Variants in MTUS1 observed in about 807,000 individuals in gnomAD.
MTUS1 encodes the protein microtubule associated scaffold protein 1, also known as microtubule-associated tumor suppressor 1.
In MTUS1, 109 loss-of-function variants were observed where a neutral mutation model predicts 120.8. The observed-to-expected ratio is 0.90, with a 90% CI of 0.77 to 1.06. The LOEUF (loss-of-function observed/expected upper bound fraction) is 1.06, where lower values mean the gene tolerates loss of function less well. Ranked by LOEUF, MTUS1 falls within the 50% of genes least tolerant of loss-of-function variation. MTUS1 has a pLI of 0.00. For missense variants in MTUS1, 2,210 were observed against 1,486.3 expected, an observed-to-expected ratio of 1.49 and a Z score of -8.01; for synonymous variants, 737 against 550.5, an observed-to-expected ratio of 1.34 and a Z score of -4.74.
intron 3 of MTUS1, among the ~76,000 whole-genome samples, chr8:17,731,149 G>C (rs1266263514): frequency 1.3e-5 from 2 of 152,112 alleles, no homozygotes; most frequent in Non-Finnish European, 2.9e-5. Flanking sequence ...GATAAGGGAG[G>C]TATCTTAAAT....
intron 1 of MTUS1, among the ~76,000 whole-genome samples, chr8:17,782,735 TA>T (rs1225288862): frequency 6.6e-6 from 1 of 152,148 alleles, no homozygotes; most frequent in African/African-American, 2.4e-5. Context: ...GTCTACAGTG[TA>T]AAAAATGTTT....
Position 17,646,890 on chromosome 8 carries a change from C to T in MTUS1, c.3599+92G>A, listed in dbSNP as rs1032634432. On this transcript the variant is annotated intron_variant, in intron 14 of 14. Transcript: ENST00000693296. Reference sequence around the variant, plus strand: ...TAACCATCTGCTTCCATCATATTTCCAGGAGGTGCAGGGGTAGAGCGTGTC... The same window carrying T: ...TAACCATCTGCTTCCATCATATTTCTAGGAGGTGCAGGGGTAGAGCGTGTC... 2.3e-5 allele frequency: 19 copies of T among 822,686 alleles called. No homozygotes were observed. In the African/African-American group the frequency reaches 2.4e-4, roughly 10 times the overall value. The allele number at this position is 822,686 out of a possible 1,614,324, so 51.0% of individuals were successfully genotyped here.
rs1312546613 is a variant in MTUS1, at chr8:17,684,460, T to C, written c.2706A>G (p.Thr902=). ...TTGTTTTATATTGCGTCAATTCAAGTGTTTTCTCAGGGGGCAGCGCATCGG... is the reference window on the plus strand; with the variant it reads ...TTGTTTTATATTGCGTCAATTCAAGCGTTTTCTCAGGGGGCAGCGCATCGG... ...TAPDALPPEK[T]LELTQYKTKC... The change falls in exon 7 of 15, where the codon ACA becomes ACG. Residue 902 remains threonine, a synonymous_variant. Coordinates refer to ENST00000693296, the MANE Select transcript of MTUS1 (RefSeq NM_001363059.2). 1.9e-6 allele frequency: 3 copies of C among 1,614,070 alleles called. No homozygotes were observed. In the African/African-American group the frequency reaches 4.0e-5, roughly 22 times the overall value.
At chr8:17,709,292 A>C (rs895523294) in intron 6 of MTUS1, among the ~76,000 whole-genome samples, 1 of 152,122 alleles carries the variant, frequency 6.6e-6, no homozygotes, top group African/African-American at 2.4e-5. Context: ...TCTTTACACA[A>C]CAGGCTCAGA....
At chr8:17,780,426 T>A (rs893114183) in intron 1 of MTUS1, among the ~76,000 whole-genome samples, 1 of 152,172 alleles carries the variant, frequency 6.6e-6, no homozygotes, top group African/African-American at 2.4e-5. Flanking sequence ...TGATACAATC[T>A]CAAGCTTCAA....
intron 6 of MTUS1, among the ~76,000 whole-genome samples, chr8:17,684,946 TTTAAA>T (rs1210884929): frequency 2.0e-5 from 3 of 152,208 alleles, no homozygotes; most frequent in African/African-American, 7.2e-5. Context: ...ATCACTGGAC[TTTAAA>T]TTAAATGCCT....
chr8:17,644,916 G>A lies in MTUS1; in HGVS notation c.*1010C>T, dbSNP rs1805494509. On this transcript the variant is annotated 3_prime_UTR_variant, in exon 15 of 15. Coordinates refer to ENST00000693296, the MANE Select transcript of MTUS1 (RefSeq NM_001363059.2). ...GGTAGGAGGTAGAAGGTTTGCTTTT[G>A]TGGCTCTGGATGGTGGAGAAAGGTA... The A allele has an allele frequency of 6.6e-6, 1 of 152,198 alleles. No homozygotes were observed. The highest frequency in any genetic ancestry group is 2.4e-5 in the African/African-American group (1 of 41,432). The allele number at this position is 152,198 out of a possible 1,614,324, so 9.4% of individuals were successfully genotyped here.
At chr8:17,739,508 TAAA>T (rs774494880) in intron 3 of MTUS1, among the ~76,000 whole-genome samples, 1 of 151,814 alleles carries the variant, frequency 6.6e-6, no homozygotes, top group Non-Finnish European at 1.5e-5. Context: ...AATAAATAAA[TAAA>T]TAAATTAATA....
chr8:17,683,840 T>C (rs1023640306), intron 7 of MTUS1, among the ~76,000 whole-genome samples: 1 of 151,798 alleles, frequency 6.6e-6, no homozygotes, highest in African/African-American at 2.4e-5. Context: ...TTTGCTTTTG[T>C]TGCACCACAG....
chr8:17,766,999 C>T (rs1586276121), intron 1 of MTUS1, among the ~76,000 whole-genome samples: 1 of 151,660 alleles, frequency 6.6e-6, no homozygotes, highest in East Asian at 1.9e-4. Flanking sequence ...ATTATATGAC[C>T]AGTATATAAT....
rs368935795 is a variant in MTUS1, at chr8:17,774,220, T to A, written c.-154-18259A>T. Among the ~76,000 whole-genome samples, 131 of 152,280 alleles carry A rather than the reference T, an allele frequency of 8.6e-4. 1 individual carries two copies. Among genetic ancestry groups the A allele is most frequent in the African/African-American group, 3.0e-3 (126 of 41,556 alleles). On this transcript the variant is annotated intron_variant, in intron 1 of 14. Coordinates refer to ENST00000693296, the MANE Select transcript of MTUS1 (RefSeq NM_001363059.2). ...AGGCTGGCCTCCAATCTGAAACCCA[T>A]TTAAACCACAATGCAGCTACTACTA...
Position 17,713,292 on chromosome 8 carries a change from T to C in MTUS1, c.2585-40A>G, listed in dbSNP as rs773591200. The C allele has an allele frequency of 5.8e-5, 68 of 1,169,990 alleles. No individual in the cohort carries two copies. The African/African-American group carries it at 7.7e-4, about 13-fold the overall frequency. The allele number at this position is 1,169,990 out of a possible 1,614,324, so 72.5% of individuals were successfully genotyped here. ...AAACATGTAAAATACATATGTTTTA[T>C]TTGACATATCACATAAAAACAAACC... On this transcript the variant is annotated intron_variant, in intron 5 of 14. Transcript: ENST00000693296.
chr8:17,649,768 C>A (rs1585388523), intron 13 of MTUS1, 78 bp downstream of exon 13: 2 of 780,094 alleles, frequency 2.6e-6, no homozygotes, highest in East Asian at 4.9e-5. Flanking sequence ...CCCAACTCCA[C>A]AGTTCTAAAA....
At chr8:17,654,719 T>G (rs1585423233) in intron 9 of MTUS1, 53 bp from the exon 10 acceptor site, 1 of 1,305,834 alleles carries the variant, frequency 7.7e-7, no homozygotes, top group South Asian at 1.2e-5. Context: ...ATGTCCTAAG[T>G]TGAATACGCA....
chr8:17,695,699 AT>A (rs889156535), intron 6 of MTUS1, among the ~76,000 whole-genome samples: 26 of 151,970 alleles, frequency 1.7e-4, no homozygotes, highest in African/African-American at 6.3e-4. Context: ...TTACAGAACT[AT>A]TTTTTTTAAT....
At chr8:17,722,425 T>C (rs924279957) in intron 4 of MTUS1, 2 of 985,376 alleles carry the variant, frequency 2.0e-6, no homozygotes, top group Non-Finnish European at 2.4e-6. Context: ...AATTACCTTT[T>C]CAAATTCAGA....
intron 8 of MTUS1, among the ~76,000 whole-genome samples, chr8:17,657,921 CTA>C (rs1349442778): frequency 3.4e-5 from 5 of 149,164 alleles, no homozygotes; most frequent in African/African-American, 7.4e-5. Context: ...ATGTATATAT[CTA>C]TGTGTACATG....
chr8:17,709,904 G>A (rs1391183950), intron 6 of MTUS1, among the ~76,000 whole-genome samples: 1 of 151,906 alleles, frequency 6.6e-6, no homozygotes, highest in Non-Finnish European at 1.5e-5. Flanking sequence ...CTACTCGGGA[G>A]GCTGAGGCAG....
intron 1 of MTUS1, among the ~76,000 whole-genome samples, chr8:17,787,193 G>A (rs1050882520): frequency 6.6e-6 from 1 of 152,164 alleles, no homozygotes; most frequent in Non-Finnish European, 1.5e-5. Context: ...CAGTTTGTGA[G>A]GCCAGGATGA....
Sources: allele counts gnomAD v4.1 joint callset (sites outside exome capture counted in the v4.1 genomes callset), GRCh38; gene constraint gnomAD v4.1.1; transcripts MANE v1.5; gene names NCBI Gene and HGNC (gene_info 2026-07-23, HGNC 2026-07-21).